The following TCF20 variants were observed in gnomAD, a reference collection of about 807,000 sequenced individuals.
TCF20 encodes transcription factor 20.
Under a neutral mutation model 148.6 loss-of-function variants are expected in TCF20, and 3 were observed. The ratio of observed to expected loss-of-function variants is 0.02; its 90% CI spans 0.01 to 0.05. The LOEUF is 0.05. Ranked by LOEUF, TCF20 falls within the 10% of genes least tolerant of loss-of-function variation. The pLI is 1.00. For missense variants in TCF20, 2,350 were observed against 2,429.3 expected (o/e 0.97, Z 0.69); for synonymous variants, 1,049 against 909.5 (o/e 1.15, Z -2.76).
chr22:42,311,670 A>C (rs150970905), intron 1 of TCF20, among the ~76,000 whole-genome samples: 2 of 152,288 alleles, frequency 1.3e-5, no homozygotes, highest in African/African-American at 2.4e-5. Context: ...GCGGTGCCTC[A>C]GTCCCCTCCC....
intron 1 of TCF20, among the ~76,000 whole-genome samples, chr22:42,300,825 C>G (rs1181078105): frequency 1.3e-5 from 2 of 152,180 alleles, no homozygotes; most frequent in African/African-American, 4.8e-5. Context: ...TCCTGACATT[C>G]CCTCCTCCCC....
In TCF20 at chr22:42,212,438, G is replaced by A; in HGVS notation, c.2868C>T (p.Ile956=). 6.2e-7 allele frequency: 1 copy of A among 1,614,240 alleles called. No individual in the cohort carries two copies. Among genetic ancestry groups the A allele is most frequent in the Non-Finnish European group, 8.5e-7 (1 of 1,180,046 alleles). The change falls in exon 2 of 6, where the codon ATC becomes ATT. Residue 956 remains isoleucine (I), a synonymous_variant. Transcript: ENST00000677622. ...CATTGCCGCGGTAAGACTCATGCTT[G>A]ATGCTAGGAGGATGGCAGTGGTCTC... ...KSGDHCHPPS[I]KHESYRGNAS... is the part of the protein sequence containing the mutation.
At chr22:42,227,430 G>A (rs1341249703) in intron 1 of TCF20, among the ~76,000 whole-genome samples, 1 of 152,188 alleles carries the variant, frequency 6.6e-6, no homozygotes, top group Admixed American at 6.5e-5. Context: ...AGAGCAGGCT[G>A]AAGGCATGAA....
At chr22:42,327,092 G>A (rs1045475721) in intron 1 of TCF20, among the ~76,000 whole-genome samples, 2 of 152,354 alleles carry the variant, frequency 1.3e-5, no homozygotes, top group Admixed American at 6.5e-5. Flanking sequence ...GCAACGATGA[G>A]GCGAGGGGCT....
Position 42,279,215 on chromosome 22 carries a change from AAAGG to A in TCF20, c.-37+4608_-37+4611del, listed in dbSNP as rs1926847541. ...TTGGTAGTAGGTGGGTGTGAAAAAG[AAAGG>A]AAGGGCCAGGTGCAGTGGCTCATAC... On this transcript the variant is annotated intron_variant, in intron 1 of 5. Coordinates refer to the TCF20 transcript ENST00000359486. The surrounding 1 kb of genome is among the most constrained non-coding windows in gnomAD (Gnocchi z 4.3). Among the ~76,000 whole-genome samples, 1 of 152,094 alleles carries A rather than the reference AAAGG, an allele frequency of 6.6e-6. No homozygotes were observed. The highest frequency in any genetic ancestry group is 1.5e-5 in the Non-Finnish European group (1 of 68,002).
At chr22:42,208,732 G>C (rs1938561007) in intron 2 of TCF20, among the ~76,000 whole-genome samples, 1 of 152,138 alleles carries the variant, frequency 6.6e-6, no homozygotes, top group African/African-American at 2.4e-5. Flanking sequence ...AAAAACAGCG[G>C]ATCAATCCAG....
In TCF20 at chr22:42,214,337, G is replaced by GTGTTGT. The variant is rs552166978; in HGVS notation, c.963_968dup (p.Gln321_Gln322dup). On this transcript the variant is annotated inframe_insertion, in exon 2 of 6. Transcript: ENST00000677622. Reference sequence around the variant, plus strand: ...TATACTGCATCACATGCTGAGAAGGGTGTTGTTGTTGCTGCGGTTGCTGCT... The same window carrying GTGTTGT: ...TATACTGCATCACATGCTGAGAAGGGTGTTGTTGTTGTTGTTGCTGCGGTTGCTGCT... 2 of 1,614,204 alleles carry GTGTTGT rather than the reference G, an allele frequency of 1.2e-6. No homozygotes were observed. The highest frequency in any genetic ancestry group is 2.2e-5 in the East Asian group (1 of 44,896).
intron 1 of TCF20, among the ~76,000 whole-genome samples, chr22:42,242,968 T>A (rs995576892): frequency 6.6e-6 from 1 of 151,932 alleles, no homozygotes; most frequent in Non-Finnish European, 1.5e-5. Flanking sequence ...TACATGACTT[T>A]AGCTATATAA....
chr22:42,260,089 G>C (rs560062417), intron 1 of TCF20, among the ~76,000 whole-genome samples: 1 of 152,330 alleles, frequency 6.6e-6, no homozygotes, highest in African/African-American at 2.4e-5. Context: ...ACCTTTCAGA[G>C]AAGGTCACAT....
intron 1 of TCF20, among the ~76,000 whole-genome samples, chr22:42,248,357 C>CT (rs1925091629): frequency 6.6e-6 from 1 of 152,234 alleles, no homozygotes; most frequent in African/African-American, 2.4e-5. Flanking sequence ...TGAGGAACCT[C>CT]TTCCAAATGA....
At chr22:42,184,927 A>C (rs5758637) in intron 2 of TCF20, among the ~76,000 whole-genome samples, 42,111 of 152,054 alleles carry the variant, frequency 0.28, 6,864 homozygotes, top group East Asian at 0.46. Flanking sequence ...CTTTCACCAG[A>C]CTTTGTCACT....
intron 1 of TCF20, among the ~76,000 whole-genome samples, chr22:42,313,627 T>G (rs1927576508): frequency 7.7e-6 from 1 of 129,330 alleles, no homozygotes; most frequent in Non-Finnish European, 1.6e-5. Flanking sequence ...TGAGACAGAG[T>G]CTCGCTTTGT....
At chr22:42,302,819 G>A (rs949885380) in intron 1 of TCF20, among the ~76,000 whole-genome samples, 1 of 152,162 alleles carries the variant, frequency 6.6e-6, no homozygotes, top group African/African-American at 2.4e-5. Flanking sequence ...CCCACGCCTG[G>A]GTGCAACTTC....
At chr22:42,249,695 C>T (rs901802445) in intron 1 of TCF20, among the ~76,000 whole-genome samples, 4 of 152,168 alleles carry the variant, frequency 2.6e-5, no homozygotes, top group African/African-American at 7.2e-5. Context: ...CTTTGAAGAT[C>T]GCAGAAGTGA....
chr22:42,192,042 A>G lies in TCF20; in HGVS notation c.5656-12340T>C, dbSNP rs1937360571. On this transcript the variant is annotated intron_variant, in intron 2 of 5. Coordinates refer to ENST00000677622, the MANE Select transcript of TCF20 (RefSeq NM_001378418.1). ...GTGGATTAGCTTATAAAGAGAAATG[A>G]TTACATTTTGTGCTTTCTGAATCTA... Among the ~76,000 whole-genome samples the G allele has an allele frequency of 2.6e-5, 4 of 152,200 alleles. No individual in the cohort carries two copies. In the South Asian group the frequency reaches 6.2e-4, roughly 24 times the overall value.
chr22:42,247,777 T>TGCTCATTTAAACC (rs200060923), intron 1 of TCF20, among the ~76,000 whole-genome samples: 2,590 of 152,232 alleles, frequency 0.017, 82 homozygotes, highest in African/African-American at 0.059. Flanking sequence ...TCCAGCACCA[T>TGCTCATTTAAACC]GCTCATTTAA....
intron 1 of TCF20, among the ~76,000 whole-genome samples, chr22:42,314,725 C>A (rs569627495): frequency 6.6e-6 from 1 of 152,214 alleles, no homozygotes; most frequent in Non-Finnish European, 1.5e-5. Context: ...TGCAAGCACC[C>A]GGTGGATGTC....
chr22:42,173,108 TTTTTCATGAGAGTAGAAGAA>T (rs1936226445), intron 3 of TCF20, among the ~76,000 whole-genome samples: 1 of 147,488 alleles, frequency 6.8e-6, no homozygotes, highest in African/African-American at 2.7e-5. Flanking sequence ...TCCCAGCTGT[TTTTTCATGAGAGTAGAAGAA>T]AAAAAAAAAA....
chr22:42,211,908 C>T lies in TCF20; in HGVS notation c.3398G>A (p.Arg1133Gln), dbSNP rs778002350. Residue 1133 changes from arginine to glutamine, a missense_variant, in exon 2 of 6, where the codon CGG becomes CAG. This residue lies in a region of TCF20 where 1,641 missense variants were observed against 1,662.6 expected (regional missense o/e 0.99). Coordinates refer to ENST00000677622, the MANE Select transcript of TCF20 (RefSeq NM_001378418.1). The stretch of plus-strand genomic sequence containing the variant: ...ATCTTTGTCATTTTTCAGAGGGCTC[C>T]GTACTCTGTCAAGAAACTGCTGCTG... ...PRQQQFLDRVRSPLKNDKDGM... is the reference protein window; with the variant it reads ...PRQQQFLDRVQSPLKNDKDGM... 14 of 1,614,058 alleles carry T rather than the reference C, an allele frequency of 8.7e-6. No homozygotes were observed. Among genetic ancestry groups the T allele is most frequent in the African/African-American group, 4.0e-5 (3 of 74,900 alleles).
Sources: allele counts gnomAD v4.1 joint callset (sites outside exome capture counted in the v4.1 genomes callset), GRCh38; gene constraint gnomAD v4.1.1; regional missense constraint gnomAD v4.1.1; non-coding constraint Gnocchi (gnomAD v3.1); transcripts MANE v1.5; gene names NCBI Gene and HGNC (gene_info 2026-07-23, HGNC 2026-07-21).